Variants in FANCE observed in about 807,000 individuals in gnomAD.
FANCE encodes the protein Fanconi anemia group E protein.
Under a neutral mutation model 57.8 loss-of-function variants are expected in FANCE, and 42 were observed. The ratio of observed to expected loss-of-function variants is 0.73; its 90% CI spans 0.57 to 0.94. The LOEUF (loss-of-function observed/expected upper bound fraction) is 0.94, where lower values mean the gene tolerates loss of function less well. Among genes scored for constraint, FANCE ranks in the 40% least tolerant of loss-of-function variants. The probability of loss-of-function intolerance (pLI) is 0.00; values close to 1 mark genes in which losing one functional copy is unlikely to be tolerated. For synonymous variants in FANCE, 251 were observed against 286.4 expected (o/e 0.88, Z 1.25); for missense variants, 608 against 661.8 (o/e 0.92, Z 0.89).
In FANCE at chr6:35,466,363, A is replaced by C. The variant is rs1388911664; in HGVS notation, c.*18A>C. The C allele has an allele frequency of 6.8e-7, 1 of 1,475,280 alleles. No individual in the cohort carries two copies. The highest frequency in any genetic ancestry group is 9.5e-7 in the Non-Finnish European group (1 of 1,053,450). The allele number at this position is 1,475,280 out of a possible 1,614,324, so 91.4% of individuals were successfully genotyped here. ...GCCCCTGACCATCCACCAAGGGACC[A>C]CCCTCTTGGTGCTCCATCACCAGCT... is the stretch of plus-strand genomic sequence containing the variant. On this transcript the variant is annotated 3_prime_UTR_variant, in exon 10 of 10. Transcript: ENST00000229769.
At position 35,456,740 on chromosome 6, in the gene FANCE, C is replaced by T. The variant is rs1000988608; in HGVS notation, c.855+387C>T. 6.6e-6 allele frequency among the ~76,000 whole-genome samples: 1 copy of T among 152,146 alleles called. No homozygotes were observed. Among genetic ancestry groups the T allele is most frequent in the Non-Finnish European group, 1.5e-5 (1 of 68,026 alleles). On this transcript the variant is annotated intron_variant, in intron 2 of 9. Transcript: ENST00000229769. The surrounding 1 kb of genome is among the most constrained non-coding windows in gnomAD (Gnocchi z 4.3). ...TGTTGGTCAGGCTGGTCTTGAACTC[C>T]TGACCTCAGGTGATCCGCCCACCTT...
chr6:35,454,897 C>T (rs9470030), intron 1 of FANCE, among the ~76,000 whole-genome samples: 13,678 of 152,210 alleles, frequency 0.09, 1,343 homozygotes, highest in African/African-American at 0.24. Context: ...TCAATAAATG[C>T]GCAACAAGTG....
intron 8 of FANCE, among the ~76,000 whole-genome samples, chr6:35,461,737 T>C (rs1470018293): frequency 3.3e-5 from 5 of 151,212 alleles, no homozygotes. Flanking sequence ...AAGCTCTGCC[T>C]CCCGGGTTCA....
intron 9 of FANCE, among the ~76,000 whole-genome samples, chr6:35,465,689 A>G (rs1187869263): frequency 2.6e-5 from 4 of 152,344 alleles, no homozygotes; most frequent in Middle Eastern, 3.4e-3. Flanking sequence ...GTGAGGCATC[A>G]GGAGTCATTC....
chr6:35,456,137 G>T lies in FANCE; in HGVS notation c.639G>T (p.Gly213=). The T allele has an allele frequency of 6.2e-7, 1 of 1,614,066 alleles. No homozygotes were observed. Among genetic ancestry groups the T allele is most frequent in the South Asian group, 1.1e-5 (1 of 91,072 alleles). The change falls in exon 2 of 10, where the codon GGG becomes GGT. Residue 213 remains glycine (G), a synonymous_variant. Transcript: ENST00000229769. This position sits in a 1 kb window ranked among gnomAD's most constrained non-coding sequence, Gnocchi z 4.3. ...DSEEEAASPE[G]KRVPKRLRCW... ...AGGAAGAGGCTGCCAGTCCTGAGGGGAAGAGGGTCCCCAAAAGATTACGGT... is the reference window on the plus strand; with the variant it reads ...AGGAAGAGGCTGCCAGTCCTGAGGGTAAGAGGGTCCCCAAAAGATTACGGT...
chr6:35,453,475 TAAAAA>T (rs35275700), intron 1 of FANCE, among the ~76,000 whole-genome samples: 1 of 148,732 alleles, frequency 6.7e-6, no homozygotes, highest in South Asian at 2.1e-4. Context: ...AACTTTTGCT[TAAAAA>T]AAAAAGAGTA....
Position 35,452,623 on chromosome 6 carries a change from C to T in FANCE, c.78C>T (p.Ala26=), listed in dbSNP as rs1469869583. 2 of 1,277,856 alleles carry T rather than the reference C, an allele frequency of 1.6e-6. No homozygotes were observed. Among genetic ancestry groups the T allele is most frequent in the African/African-American group, 1.5e-5 (1 of 64,728 alleles). The allele number at this position is 1,277,856 out of a possible 1,614,324, so 79.2% of individuals were successfully genotyped here. A position where few individuals can be genotyped will look rare whatever the true frequency, so the allele number is the denominator to read the frequency against. The part of the protein sequence containing the change: ...PAPWAQLEAP[A]RLLLQALQAG... Reference sequence around the variant, plus strand: ...CCTGGGCGCAGCTGGAGGCCCCCGCCCGCCTCCTGCTGCAGGCGCTGCAGG... The same window carrying T: ...CCTGGGCGCAGCTGGAGGCCCCCGCTCGCCTCCTGCTGCAGGCGCTGCAGG... Residue 26 remains alanine, a synonymous_variant, in exon 1 of 10, where the codon GCC becomes GCT. Transcript: ENST00000229769.
chr6:35,462,983 A>G (rs1039051369), intron 9 of FANCE, 69 bp downstream of exon 9: 10 of 1,601,332 alleles, frequency 6.2e-6, no homozygotes, highest in Admixed American at 1.7e-5. Context: ...ACAAGGGTGT[A>G]TGAATATGTA....
intron 7 of FANCE, 128 bp from the exon 8 acceptor site, chr6:35,460,423 AC>A: frequency 1.1e-6 from 1 of 880,224 alleles, no homozygotes. Context: ...ACCCCTGACT[AC>A]CCCTTTGTTG....
intron 8 of FANCE, among the ~76,000 whole-genome samples, chr6:35,460,835 T>TG (rs921030111): frequency 2.0e-5 from 3 of 152,034 alleles, no homozygotes; most frequent in East Asian, 1.9e-4. Context: ...TCTTACCAGC[T>TG]GGGGGGGCCT....
Position 35,458,306 on chromosome 6 carries a change from C to T in FANCE, c.979C>T (p.Leu327=). The T allele has an allele frequency of 1.9e-6, 3 of 1,613,950 alleles. No individual in the cohort carries two copies. The highest frequency in any genetic ancestry group is 2.5e-6 in the Non-Finnish European group (3 of 1,180,026). The part of the protein sequence containing the change: ...HECSPSQMDL[L]CAQLQLPQLS... ...CGCACTCTGTAAGCAGATGGACTTG[C>T]TGTGTGCCCAGCTGCAGCTCCCTCA... Residue 327 remains leucine, a synonymous_variant, in exon 5 of 10, where the codon CTG becomes TTG. Coordinates refer to ENST00000229769, the MANE Select transcript of FANCE (RefSeq NM_021922.3).
intron 7 of FANCE, among the ~76,000 whole-genome samples, chr6:35,460,304 C>T (rs887776435): frequency 1.3e-5 from 2 of 152,246 alleles, no homozygotes; most frequent in East Asian, 1.9e-4. Context: ...TTAGTAGAGA[C>T]GGGATTTCAC....
In FANCE at chr6:35,456,909, A is replaced by C. The variant is rs1487636632; in HGVS notation, c.855+556A>C. ...AATGTGGGGTTAAAGGGTGCCAGGC[A>C]AGGGAGAGGCTCTGGAGCCACCCCT... On this transcript the variant is annotated intron_variant, in intron 2 of 9. Coordinates refer to ENST00000229769, the MANE Select transcript of FANCE (RefSeq NM_021922.3). This position sits in a 1 kb window ranked among gnomAD's most constrained non-coding sequence, Gnocchi z 4.3. Among the ~76,000 whole-genome samples, 2 of 152,146 alleles carry C rather than the reference A, an allele frequency of 1.3e-5. No homozygotes were observed. The highest frequency in any genetic ancestry group is 2.9e-5 in the Non-Finnish European group (2 of 68,026).
At chr6:35,458,722 C>A (rs1001644486) in intron 5 of FANCE, among the ~76,000 whole-genome samples, 1 of 151,898 alleles carries the variant, frequency 6.6e-6, no homozygotes, top group African/African-American at 2.4e-5. Context: ...CTGCCTCAGC[C>A]TCCTGAGTAG....
Position 35,456,037 on chromosome 6 carries a change from C to A in FANCE, c.539C>A (p.Ser180Tyr). 1 of 1,612,594 alleles carries A rather than the reference C, an allele frequency of 6.2e-7. No homozygotes were observed. The highest frequency in any genetic ancestry group is 1.1e-5 in the South Asian group (1 of 91,026). Residue 180 changes from serine (S) to tyrosine (Y), a missense_variant, in exon 2 of 10, where the codon TCC becomes TAC. Coordinates refer to ENST00000229769, the MANE Select transcript of FANCE (RefSeq NM_021922.3). The surrounding 1 kb of genome is among the most constrained non-coding windows in gnomAD (Gnocchi z 4.3). ...GGCCTGGGGGGCAGGAGGTTGAAATCCCCCCAGGCTCCAGACCCTGAAGAA... is the reference window on the plus strand; with the variant it reads ...GGCCTGGGGGGCAGGAGGTTGAAATACCCCCAGGCTCCAGACCCTGAAGAA... ...GLGLGGRRLKSPQAPDPEEEE... is the reference protein window; with the variant it reads ...GLGLGGRRLKYPQAPDPEEEE...
intron 1 of FANCE, 66 bp from the exon 2 acceptor site, chr6:35,455,681 T>A: frequency 6.3e-7 from 1 of 1,595,742 alleles, no homozygotes. Flanking sequence ...CCCCCAGCTC[T>A]GCCCAGTCTG....
Position 35,456,072 on chromosome 6 carries a change from AGGGACTCCCAGCAGCCT to A in FANCE, c.579_595del (p.Asp193GlufsTer14). 6.2e-7 allele frequency: 1 copy of A among 1,613,784 alleles called. No homozygotes were observed. Among genetic ancestry groups the A allele is most frequent in the Non-Finnish European group, 8.5e-7 (1 of 1,179,926 alleles). On this transcript the variant is annotated frameshift_variant, in exon 2 of 10. Coordinates refer to ENST00000229769, the MANE Select transcript of FANCE (RefSeq NM_021922.3). LOFTEE classifies it high-confidence loss of function. The surrounding 1 kb of genome is among the most constrained non-coding windows in gnomAD (Gnocchi z 4.3). ...TCCAGACCCTGAAGAAGAGGAGAAC[AGGGACTCCCAGCAGCCT>A]GGGAAACGCAGAAAGGACTCAGAGG...
In FANCE at chr6:35,452,644, G is replaced by A. The variant is rs2150885648; in HGVS notation, c.99G>A (p.Leu33=). Residue 33 remains leucine, a synonymous_variant, in exon 1 of 10, where the codon CTG becomes CTA. Transcript: ENST00000229769. The part of the protein sequence containing the change: ...EAPARLLLQA[L]QAGPEGARRG... ...CCGCCCGCCTCCTGCTGCAGGCGCT[G>A]CAGGCGGGGCCTGAGGGGGCGCGGC... 8.0e-7 allele frequency: 1 copy of A among 1,256,100 alleles called. No homozygotes were observed. The highest frequency in any genetic ancestry group is 1.0e-6 in the Non-Finnish European group (1 of 1,004,318). The allele number at this position is 1,256,100 out of a possible 1,614,324, so 77.8% of individuals were successfully genotyped here.
Position 35,466,381 on chromosome 6 carries a change from C to T in FANCE, c.*36C>T, listed in dbSNP as rs1279490699. ...AGGGACCACCCTCTTGGTGCTCCATCACCAGCTTCCTGAAGGGCATTTCTT... is the reference window on the plus strand; with the variant it reads ...AGGGACCACCCTCTTGGTGCTCCATTACCAGCTTCCTGAAGGGCATTTCTT... On this transcript the variant is annotated 3_prime_UTR_variant, in exon 10 of 10. Transcript: ENST00000229769. The T allele has an allele frequency of 1.6e-6, 2 of 1,284,028 alleles. No individual in the cohort carries two copies. Among genetic ancestry groups the T allele is most frequent in the Admixed American group, 3.4e-5 (2 of 59,612 alleles). The allele number at this position is 1,284,028 out of a possible 1,614,324, so 79.5% of individuals were successfully genotyped here. A position where few individuals can be genotyped will look rare whatever the true frequency, so the allele number is the denominator to read the frequency against.
Sources: allele counts gnomAD v4.1 joint callset (sites outside exome capture counted in the v4.1 genomes callset), GRCh38; gene constraint gnomAD v4.1.1; non-coding constraint Gnocchi (gnomAD v3.1); transcripts MANE v1.5; gene names NCBI Gene and HGNC (gene_info 2026-07-23, HGNC 2026-07-21).